CLIP1: variants seen among roughly 807,000 people sequenced by gnomAD.
CLIP1 encodes the protein CAP-Gly domain containing linker protein 1, also known as CAP-Gly domain-containing linker protein 1.
Under a neutral mutation model 161.6 loss-of-function variants are expected in CLIP1, and 66 were observed. The observed-to-expected ratio is 0.41, with a 90% CI of 0.33 to 0.50. CLIP1 has a LOEUF of 0.50. Ranked by LOEUF, CLIP1 falls within the 20% of genes least tolerant of loss-of-function variation. The pLI is 0.27. For synonymous variants in CLIP1, 598 were observed against 626.2 expected (o/e 0.96, Z 0.67); for missense variants, 1,376 against 1,702.0 (o/e 0.81, Z 3.37).
chr12:122,351,204 C>A (rs1001917019), intron 8 of CLIP1, 61 bp from the exon 9 acceptor site: 2 of 1,027,956 alleles, frequency 1.9e-6, no homozygotes, highest in Non-Finnish European at 2.7e-6. Context: ...AATAAAGCTT[C>A]AATATGTGTT....
In CLIP1 at chr12:122,278,144, G is replaced by A; in HGVS notation, c.3966+10C>T. 6.2e-7 allele frequency: 1 copy of A among 1,606,610 alleles called. No individual in the cohort carries two copies. The highest frequency in any genetic ancestry group is 8.5e-7 in the Non-Finnish European group (1 of 1,178,056). ...AGCAAGAAAGTAAAGCAATAAGGCA[G>A]GAACATTACCTGACTCTCCTGGGCT... On this transcript the variant is annotated intron_variant, in intron 24 of 25. Coordinates refer to ENST00000620786, the MANE Select transcript of CLIP1 (RefSeq NM_001247997.2).
chr12:122,416,473 G>A (rs1023522827), intron 1 of CLIP1, among the ~76,000 whole-genome samples: 2 of 152,058 alleles, frequency 1.3e-5, no homozygotes, highest in African/African-American at 4.8e-5. Flanking sequence ...TTAATAACAT[G>A]ACATAGTCAG....
chr12:122,332,870 A>G lies in CLIP1; in HGVS notation c.2867+117T>C, dbSNP rs540076028. On this transcript the variant is annotated intron_variant, in intron 15 of 25. Coordinates refer to ENST00000620786, the MANE Select transcript of CLIP1 (RefSeq NM_001247997.2). Reference sequence around the variant, plus strand: ...ACACAATGAGGTAATAACAGAAAAGAACAGAGACGGGAAACTTTAAAACGT... The same window carrying G: ...ACACAATGAGGTAATAACAGAAAAGGACAGAGACGGGAAACTTTAAAACGT... 9.4e-5 allele frequency: 74 copies of G among 784,456 alleles called. No homozygotes were observed. In the East Asian group the frequency reaches 2.0e-3, roughly 21 times the overall value. The allele number at this position is 784,456 out of a possible 1,614,324, so 48.6% of individuals were successfully genotyped here. A position where few individuals can be genotyped will look rare whatever the true frequency, so the allele number is the denominator to read the frequency against.
intron 21 of CLIP1, 50 bp downstream of exon 21, chr12:122,288,439 C>T: frequency 6.7e-7 from 1 of 1,492,298 alleles, no homozygotes; most frequent in Non-Finnish European, 9.2e-7. Context: ...ATATCATGTT[C>T]TGACATCTTA....
At chr12:122,344,045 T>C (rs1952632839) in intron 10 of CLIP1, 1 of 152,200 alleles carries the variant, frequency 6.6e-6, no homozygotes, top group Non-Finnish European at 1.5e-5. Context: ...CAGCGAGAAC[T>C]CCATCTCTAC....
chr12:122,340,803 C>T lies in CLIP1; in HGVS notation c.2401G>A (p.Glu801Lys). The change falls in exon 11 of 26, where the codon GAG (glutamate) becomes AAG (lysine). Residue 801 changes from glutamate (E) to lysine (K), a missense_variant. Coordinates refer to ENST00000620786, the MANE Select transcript of CLIP1 (RefSeq NM_001247997.2). ...KKLRQQLEAA[E>K]KQIKHLEIEK... The stretch of plus-strand genomic sequence containing the variant: ...ATCTCTAAATGTTTAATCTGTTTCT[C>T]AGCTGCCTCAAGCTGCTGTCTAAGT... 1 of 1,610,694 alleles carries T rather than the reference C, an allele frequency of 6.2e-7. No homozygotes were observed. Among genetic ancestry groups the T allele is most frequent in the Non-Finnish European group, 8.5e-7 (1 of 1,178,816 alleles).
intron 1 of CLIP1, among the ~76,000 whole-genome samples, chr12:122,420,172 T>A (rs1593286142): frequency 6.7e-6 from 1 of 150,018 alleles, no homozygotes; most frequent in African/African-American, 2.5e-5. Context: ...TGAAACTCCA[T>A]CTCTACTAAA....
chr12:122,383,464 C>G (rs1955098293), intron 1 of CLIP1, among the ~76,000 whole-genome samples: 1 of 151,818 alleles, frequency 6.6e-6, no homozygotes, highest in Non-Finnish European at 1.5e-5. Flanking sequence ...TATTACAAAC[C>G]AAAGACTAAT....
intron 20 of CLIP1, among the ~76,000 whole-genome samples, chr12:122,298,896 A>C (rs1200605290): frequency 6.6e-6 from 1 of 152,146 alleles, no homozygotes; most frequent in Non-Finnish European, 1.5e-5. Flanking sequence ...CGGAGGTTGC[A>C]ATGGGCTGAG....
At chr12:122,320,222 G>C (rs541843450) in intron 17 of CLIP1, among the ~76,000 whole-genome samples, 179 of 148,182 alleles carry the variant, frequency 1.2e-3, no homozygotes, top group Non-Finnish European at 2.4e-3. Flanking sequence ...AGCTGAGATT[G>C]CGCCACTGCA....
rs3782154 is a variant in CLIP1 at position 122,311,997 on chromosome 12, C to A, written c.3474-2115G>T. 6.6e-6 allele frequency among the ~76,000 whole-genome samples: 1 copy of A among 151,926 alleles called. No homozygotes were observed. Among genetic ancestry groups the A allele is most frequent in the Non-Finnish European group, 1.5e-5 (1 of 68,010 alleles). On this transcript the variant is annotated intron_variant, in intron 19 of 25. Transcript: ENST00000620786. The surrounding 1 kb of genome is among the most constrained non-coding windows in gnomAD (Gnocchi z 4.3). ...GAATCCATTTCATAGAGGAAAGAGG[C>A]TCCAATAACCCAAATTCTGGAAATA...
chr12:122,287,957 T>G (rs904727863), intron 21 of CLIP1, among the ~76,000 whole-genome samples: 1 of 152,198 alleles, frequency 6.6e-6, no homozygotes, highest in Non-Finnish European at 1.5e-5. Flanking sequence ...AGATCACTTC[T>G]GAGTGAAAGC....
chr12:122,354,917 A>C, intron 6 of CLIP1, 198 bp downstream of exon 6: 1 of 609,466 alleles, frequency 1.6e-6, no homozygotes. Context: ...AGGTCGAATC[A>C]AGAACAAAAC....
chr12:122,380,628 T>C lies in CLIP1; in HGVS notation c.-106-70A>G, dbSNP rs1453894636. On this transcript the variant is annotated intron_variant, in intron 1 of 25. Coordinates refer to ENST00000620786, the MANE Select transcript of CLIP1 (RefSeq NM_001247997.2). ...AAGTAGGAACAACAGGTAGCTTTCA[T>C]AGACTAAAGCTTTCCTTTCATTTGA... is the stretch of plus-strand genomic sequence containing the variant. 1.6e-5 allele frequency: 7 copies of C among 450,930 alleles called. No individual in the cohort carries two copies. In the South Asian group the frequency reaches 1.6e-4, roughly 10 times the overall value. The allele number at this position is 450,930 out of a possible 1,614,324, so 27.9% of individuals were successfully genotyped here.
At chr12:122,277,659 A>G (rs1955484037) in intron 24 of CLIP1, 1 of 152,560 alleles carries the variant, frequency 6.6e-6, no homozygotes, top group Non-Finnish European at 1.5e-5. Flanking sequence ...ATAGCTGCCC[A>G]AGATAATTCC....
intron 1 of CLIP1, among the ~76,000 whole-genome samples, chr12:122,420,747 G>A (rs1053571507): frequency 6.6e-6 from 1 of 151,952 alleles, no homozygotes; most frequent in African/African-American, 2.4e-5. Flanking sequence ...ATCAGCCTGG[G>A]CAACGTGGTG....
intron 21 of CLIP1, among the ~76,000 whole-genome samples, chr12:122,281,235 C>T (rs373338066): frequency 1.2e-4 from 19 of 152,178 alleles, no homozygotes; most frequent in Admixed American, 3.9e-4. Context: ...GCACTGGCAA[C>T]GGGTGGGCAT....
chr12:122,326,503 G>A (rs1951717812), intron 17 of CLIP1, among the ~76,000 whole-genome samples: 1 of 152,174 alleles, frequency 6.6e-6, no homozygotes, highest in Non-Finnish European at 1.5e-5. Flanking sequence ...AACATAGCGA[G>A]ACTCTGTCTC....
intron 6 of CLIP1, 189 bp from the exon 7 acceptor site, chr12:122,354,745 T>C (rs1453472520): frequency 5.1e-6 from 3 of 588,344 alleles, no homozygotes; most frequent in Non-Finnish European, 9.1e-6. Flanking sequence ...ATGAAAGTGA[T>C]AAAGAACAAT....
Sources: allele counts gnomAD v4.1 joint callset (sites outside exome capture counted in the v4.1 genomes callset), GRCh38; gene constraint gnomAD v4.1.1; non-coding constraint Gnocchi (gnomAD v3.1); transcripts MANE v1.5; gene names NCBI Gene and HGNC (gene_info 2026-07-23, HGNC 2026-07-21).